The following GDPD5 variants were observed in gnomAD, a reference collection of about 807,000 sequenced individuals.
GDPD5 encodes the protein glycerophosphodiester phosphodiesterase 2.
A neutral mutation model predicts 75.1 loss-of-function variants in GDPD5; 48 were observed. The ratio of observed to expected loss-of-function variants is 0.64; its 90% CI spans 0.51 to 0.81. GDPD5 has a LOEUF of 0.81. Among genes scored for constraint, GDPD5 ranks in the 40% least tolerant of loss-of-function variants. The pLI is 0.00. For missense variants in GDPD5, 706 were observed against 822.6 expected (o/e 0.86, Z 1.73); for synonymous variants, 336 against 339.0 (o/e 0.99, Z 0.10).
At chr11:75,439,417 T>A (rs905218184) in intron 15 of GDPD5, 1 of 453,962 alleles carries the variant, frequency 2.2e-6, no homozygotes, top group African/African-American at 2.0e-5. Context: ...CATGCGCCGA[T>A]CAGAGCAGGA....
intron 1 of GDPD5, among the ~76,000 whole-genome samples, chr11:75,497,282 C>T (rs1950228288): frequency 6.6e-6 from 1 of 152,050 alleles, no homozygotes; most frequent in Non-Finnish European, 1.5e-5. Context: ...GACAAACACA[C>T]CAAGCGCATC....
At chr11:75,483,117 G>C (rs1394092439) in intron 2 of GDPD5, among the ~76,000 whole-genome samples, 1 of 151,824 alleles carries the variant, frequency 6.6e-6, no homozygotes, top group Non-Finnish European at 1.5e-5. Context: ...AGGTCCAATC[G>C]ATTTCTCCAA....
At position 75,477,808 on chromosome 11, in the gene GDPD5, G is replaced by T; in HGVS notation, c.-60-13C>A. 1.9e-6 allele frequency: 2 copies of T among 1,036,802 alleles called. No homozygotes were observed. Among genetic ancestry groups the T allele is most frequent in the Non-Finnish European group, 1.4e-6 (1 of 713,046 alleles). The allele number at this position is 1,036,802 out of a possible 1,614,324, so 64.2% of individuals were successfully genotyped here. On this transcript the variant is annotated splice_polypyrimidine_tract_variant and intron_variant, in intron 2 of 16. Coordinates refer to ENST00000336898, the MANE Select transcript of GDPD5 (RefSeq NM_030792.8). ...CCCCCAGCTTGTCCTGCAGGAGGAA[G>T]CACAGGGCAGTGAGGCAGGGGAAGG...
chr11:75,495,982 T>G (rs1286944861), intron 1 of GDPD5, among the ~76,000 whole-genome samples: 2 of 152,252 alleles, frequency 1.3e-5, no homozygotes, highest in Non-Finnish European at 2.9e-5. Flanking sequence ...TGGGGCTGTA[T>G]TTCCAGGGCA....
At chr11:75,516,727 T>C (rs1950646548) in intron 1 of GDPD5, among the ~76,000 whole-genome samples, 1 of 152,204 alleles carries the variant, frequency 6.6e-6, no homozygotes, top group Non-Finnish European at 1.5e-5. Flanking sequence ...ATACCAGTAA[T>C]TTTATTTGCT....
intron 3 of GDPD5, among the ~76,000 whole-genome samples, chr11:75,467,658 G>A (rs573121138): frequency 2.8e-4 from 43 of 152,192 alleles, no homozygotes; most frequent in African/African-American, 8.7e-4. Context: ...CGAGCAGCTG[G>A]GGCAGGAGTG....
chr11:75,518,163 C>T (rs1388551919), intron 1 of GDPD5, among the ~76,000 whole-genome samples: 1 of 152,196 alleles, frequency 6.6e-6, no homozygotes, highest in East Asian at 1.9e-4. Context: ...CCATGTGTGG[C>T]CTCGTCTGGC....
chr11:75,503,102 C>T (rs1280914919), intron 1 of GDPD5, among the ~76,000 whole-genome samples: 1 of 152,226 alleles, frequency 6.6e-6, no homozygotes, highest in Non-Finnish European at 1.5e-5. Context: ...TCACTGCAAC[C>T]TCTGCCTCCC....
chr11:75,516,644 G>A (rs1006666268), intron 1 of GDPD5, among the ~76,000 whole-genome samples: 17 of 152,312 alleles, frequency 1.1e-4, no homozygotes, highest in African/African-American at 3.8e-4. Flanking sequence ...CAGGAGGCAG[G>A]GGTCAGCTCC....
At chr11:75,507,616 T>C (rs1348342370) in intron 1 of GDPD5, among the ~76,000 whole-genome samples, 1 of 152,186 alleles carries the variant, frequency 6.6e-6, no homozygotes, top group African/African-American at 2.4e-5. Context: ...CCCAACACAG[T>C]GGTTGCCCCA....
At chr11:75,459,741 C>T (rs1273325653) in intron 4 of GDPD5, among the ~76,000 whole-genome samples, 2 of 146,860 alleles carry the variant, frequency 1.4e-5, no homozygotes, top group East Asian at 2.1e-4. Context: ...ACCTGGGAGG[C>T]GGAGCTTGCA....
At chr11:75,457,244 C>T (rs1357412113) in intron 5 of GDPD5, among the ~76,000 whole-genome samples, 8 of 152,238 alleles carry the variant, frequency 5.3e-5, no homozygotes, top group Non-Finnish European at 1.2e-4. Flanking sequence ...GAAGCAGAGG[C>T]TCCTGGAAGA....
At chr11:75,443,028 C>T (rs918834028) in intron 11 of GDPD5, 108 bp downstream of exon 11, 1 of 1,336,868 alleles carries the variant, frequency 7.5e-7, no homozygotes, top group South Asian at 1.3e-5. Context: ...GTCGCGAAAG[C>T]TCTGAGAGTG....
chr11:75,525,144 C>T (rs1027905037), intron 1 of GDPD5, 66 bp downstream of exon 1: 2 of 152,440 alleles, frequency 1.3e-5, no homozygotes, highest in African/African-American at 4.8e-5. Context: ...GACACTCCCT[C>T]CGCTGGCCCC....
chr11:75,436,319 C>T (rs1375990015), intron 16 of GDPD5, among the ~76,000 whole-genome samples: 3 of 152,168 alleles, frequency 2.0e-5, no homozygotes, highest in Non-Finnish European at 4.4e-5. Flanking sequence ...TGCACACATG[C>T]CGTGCCCACC....
chr11:75,469,596 C>A (rs1298456414), intron 3 of GDPD5, among the ~76,000 whole-genome samples: 1 of 152,214 alleles, frequency 6.6e-6, no homozygotes, highest in African/African-American at 2.4e-5. Flanking sequence ...CAAGGTCACA[C>A]TTTGAGTCAC....
intron 13 of GDPD5, 26 bp from the exon 14 acceptor site, chr11:75,441,336 A>G (rs1401729976): frequency 1.2e-6 from 2 of 1,613,626 alleles, no homozygotes; most frequent in Non-Finnish European, 1.7e-6. Context: ...GAGGCAGGTC[A>G]GCATGCGGAC....
intron 13 of GDPD5, 140 bp from the exon 14 acceptor site, chr11:75,441,450 C>CGGA: frequency 8.1e-7 from 1 of 1,240,768 alleles, no homozygotes; most frequent in Non-Finnish European, 1.1e-6. Flanking sequence ...GGGCCAAGCT[C>CGGA]CGGGACAAGC....
intron 3 of GDPD5, among the ~76,000 whole-genome samples, chr11:75,471,246 AT>A (rs1949657681): frequency 6.6e-6 from 1 of 152,138 alleles, no homozygotes; most frequent in African/African-American, 2.4e-5. Context: ...CTATGGCAGG[AT>A]TACCCTGGCC....
Sources: gnomAD v4.1 joint callset for allele counts (sites outside exome capture counted in the v4.1 genomes callset) on GRCh38, gnomAD v4.1.1 for gene constraint, MANE v1.5 for transcripts, NCBI Gene and HGNC (gene_info 2026-07-23, HGNC 2026-07-21) for gene names.